Variants in PALM2AKAP2 observed in about 807,000 individuals in gnomAD.
The protein encoded by PALM2AKAP2 is PALM2-AKAP2 fusion protein.
Under a neutral mutation model 71.5 loss-of-function variants are expected in PALM2AKAP2, and 37 were observed. The observed-to-expected ratio is 0.52, with a 90% CI of 0.40 to 0.68. The LOEUF (loss-of-function observed/expected upper bound fraction) is 0.68. Ranked by LOEUF, PALM2AKAP2 falls within the 30% of genes least tolerant of loss-of-function variation. The pLI, the probability that PALM2AKAP2 is intolerant of heterozygous loss-of-function variation, is 0.00. For synonymous variants in PALM2AKAP2, 468 were observed against 478.8 expected (o/e 0.98, Z 0.29); for missense variants, 1,224 against 1,191.8 (o/e 1.03, Z -0.40).
chr9:109,716,538 C>A (rs1385786014), intron 1 of PALM2AKAP2, among the ~76,000 whole-genome samples: 1 of 152,060 alleles, frequency 6.6e-6, no homozygotes, highest in Non-Finnish European at 1.5e-5. Flanking sequence ...AATGGGCATT[C>A]TGTATTTCAC....
At chr9:109,822,268 TATCCATCCATCCATCCATCCATCC>T (rs10571516) in intron 1 of PALM2AKAP2, among the ~76,000 whole-genome samples, 4 of 150,178 alleles carry the variant, frequency 2.7e-5, no homozygotes. Flanking sequence ...CCCATCCATC[TATCCATCCATCCATCCATCCATCC>T]ATCCATCCAT....
chr9:109,691,867 T>TATATATATATACAC (rs1320319516), intron 1 of PALM2AKAP2, among the ~76,000 whole-genome samples: 2 of 51,492 alleles, frequency 3.9e-5, no homozygotes, highest in Non-Finnish European at 3.4e-5. Context: ...TATATATATA[T>TATATATATATACAC]ACACACACAC....
chr9:109,790,185 C>G (rs1827077334), intron 1 of PALM2AKAP2, among the ~76,000 whole-genome samples: 1 of 152,178 alleles, frequency 6.6e-6, no homozygotes, highest in South Asian at 2.1e-4. Context: ...CATCATTTCC[C>G]TTGTGGAAGC....
At chr9:109,864,280 ACT>A (rs893335616) in intron 1 of PALM2AKAP2, among the ~76,000 whole-genome samples, 2 of 152,184 alleles carry the variant, frequency 1.3e-5, no homozygotes, top group African/African-American at 4.8e-5. Context: ...GAAATGTATG[ACT>A]ACAGCACAAA....
chr9:109,905,948 A>G (rs994249298), intron 3 of PALM2AKAP2, among the ~76,000 whole-genome samples: 2 of 152,190 alleles, frequency 1.3e-5, no homozygotes, highest in East Asian at 3.8e-4. Flanking sequence ...AACATAGCGA[A>G]ACCCTGTCTC....
chr9:109,801,170 A>G (rs577024792), intron 1 of PALM2AKAP2, among the ~76,000 whole-genome samples: 99 of 152,334 alleles, frequency 6.5e-4, no homozygotes, highest in African/African-American at 2.2e-3. Context: ...CTGTTGTCCT[A>G]AAAGTATAGC....
At chr9:110,009,054 C>A (rs759775468) in intron 6 of PALM2AKAP2, among the ~76,000 whole-genome samples, 2 of 152,164 alleles carry the variant, frequency 1.3e-5, no homozygotes, top group Admixed American at 6.5e-5. Flanking sequence ...CAGTCACCCT[C>A]TTTGTCCAGT....
intron 2 of PALM2AKAP2, among the ~76,000 whole-genome samples, chr9:110,150,307 G>A (rs575580676): frequency 1.3e-5 from 2 of 152,338 alleles, no homozygotes; most frequent in South Asian, 4.1e-4. Context: ...TTTTATGGCA[G>A]CTCAAACAAA....
chr9:109,855,082 T>G (rs562330896), intron 1 of PALM2AKAP2, among the ~76,000 whole-genome samples: 21 of 148,440 alleles, frequency 1.4e-4, no homozygotes, highest in African/African-American at 4.5e-4. Context: ...CCCCTTTTTT[T>G]GGGGTGGGGG....
At position 109,902,541 on chromosome 9, in the gene PALM2AKAP2, C is replaced by T. The variant is rs542964511; in HGVS notation, c.258-21194C>T. On this transcript the variant is annotated intron_variant, in intron 3 of 9. Transcript: ENST00000302798. ...AAAGTAGCTGGATACTCCAGGAAGC[C>T]CTTCTAGTGGCACTTTGTTAGGTGA... 6.6e-5 allele frequency among the ~76,000 whole-genome samples: 10 copies of T among 152,342 alleles called. No homozygotes were observed. The South Asian group carries it at 1.2e-3, about 19-fold the overall frequency.
chr9:109,982,692 A>G (rs2132202090), intron 6 of PALM2AKAP2, among the ~76,000 whole-genome samples: 1 of 152,316 alleles, frequency 6.6e-6, no homozygotes. Context: ...GTGCATGTTC[A>G]TAGTCCACTG....
At chr9:110,162,663 G>A (rs1212560378) in intron 3 of PALM2AKAP2, among the ~76,000 whole-genome samples, 3 of 152,008 alleles carry the variant, frequency 2.0e-5, no homozygotes, top group African/African-American at 4.8e-5. Flanking sequence ...ATCTTTAAAC[G>A]TGTATTTTTA....
intron 1 of PALM2AKAP2, among the ~76,000 whole-genome samples, chr9:110,052,826 A>G (rs1437391295): frequency 6.6e-6 from 1 of 152,076 alleles, no homozygotes; most frequent in African/African-American, 2.4e-5. Context: ...CATAGATGTG[A>G]GTTGTAATTT....
At chr9:109,716,148 A>T (rs1303917627) in intron 1 of PALM2AKAP2, among the ~76,000 whole-genome samples, 1 of 152,210 alleles carries the variant, frequency 6.6e-6, no homozygotes, top group Non-Finnish European at 1.5e-5. Context: ...AATCTGGAAA[A>T]ATAAAAAGTT....
chr9:109,998,635 G>A (rs1415874946), intron 6 of PALM2AKAP2, among the ~76,000 whole-genome samples: 2 of 138,480 alleles, frequency 1.4e-5, no homozygotes, highest in African/African-American at 5.2e-5. Flanking sequence ...GCGGGGGAGT[G>A]GGGAGCCTGT....
intron 6 of PALM2AKAP2, chr9:109,946,687 C>CAAAAAAAAAAAAAA (rs746162235): frequency 5.3e-5 from 2 of 37,826 alleles, no homozygotes; most frequent in East Asian, 8.0e-4. Flanking sequence ...AACTCCATCT[C>CAAAAAAAAAAAAAA]AAAAAAAAAA....
chr9:109,963,372 T>C (rs1831886945), intron 6 of PALM2AKAP2, among the ~76,000 whole-genome samples: 1 of 152,212 alleles, frequency 6.6e-6, no homozygotes, highest in African/African-American at 2.4e-5. Context: ...GCCTTTACTG[T>C]ATTGATTCAC....
intron 3 of PALM2AKAP2, among the ~76,000 whole-genome samples, chr9:109,893,437 G>GGTTTTGTTTT (rs1391764523): frequency 5.1e-5 from 6 of 117,992 alleles, no homozygotes; most frequent in South Asian, 6.2e-4. Context: ...TCTCAGCAGG[G>GGTTTTGTTTT]GTTTCGTTTT....
At chr9:109,997,452 G>A (rs546059962) in intron 6 of PALM2AKAP2, among the ~76,000 whole-genome samples, 1 of 152,278 alleles carries the variant, frequency 6.6e-6, no homozygotes, top group South Asian at 2.1e-4. Flanking sequence ...GAGCAAGGGG[G>A]TTGAGAAGAC....
Sources: allele counts gnomAD v4.1 joint callset (sites outside exome capture counted in the v4.1 genomes callset), GRCh38; gene constraint gnomAD v4.1.1; transcripts MANE v1.5; gene names NCBI Gene and HGNC (gene_info 2026-07-23, HGNC 2026-07-21).